The following KTN1 variants were observed in gnomAD, a reference collection of about 807,000 sequenced individuals.
KTN1 encodes kinectin.
In KTN1, 130 loss-of-function variants were observed where a neutral mutation model predicts 222.5. The ratio of observed to expected loss-of-function variants is 0.58; its 90% CI spans 0.51 to 0.68. The LOEUF is 0.68. Among genes scored for constraint, KTN1 ranks in the 30% least tolerant of loss-of-function variants. The probability of loss-of-function intolerance (pLI) is 0.00; values close to 1 mark genes in which losing one functional copy is unlikely to be tolerated. For missense variants in KTN1, 1,508 were observed against 1,500.4 expected (o/e 1.01, Z -0.08); for synonymous variants, 512 against 496.3 (o/e 1.03, Z -0.42).
In KTN1 at chr14:55,671,567, T is replaced by C; in HGVS notation, c.3350T>C (p.Val1117Ala). 6.2e-7 allele frequency: 1 copy of C among 1,606,294 alleles called. No individual in the cohort carries two copies. Among genetic ancestry groups the C allele is most frequent in the South Asian group, 1.1e-5 (1 of 89,000 alleles). ...TTTTCTTTATTTCGTTCTTTGCAGG[T>C]TCTAGAGCACAAGTTGAAAGAAGCT... is the stretch of plus-strand genomic sequence containing the variant. ...AGTSGSEEVK[V>A]LEHKLKEADE... Residue 1117 changes from valine to alanine, a missense_variant and splice_region_variant, in exon 36 of 44, where the codon GTT becomes GCT. Physicochemically the swap from Val to Ala is moderately conservative, Grantham distance 64 (BLOSUM62 0). Coordinates refer to ENST00000395314, the MANE Select transcript of KTN1 (RefSeq NM_001079521.2).
intron 31 of KTN1, among the ~76,000 whole-genome samples, chr14:55,659,949 C>G (rs1303072746): frequency 1.3e-5 from 2 of 152,146 alleles, no homozygotes; most frequent in African/African-American, 4.8e-5. Flanking sequence ...ATTCAGAAAA[C>G]ATCAAATCAA....
At chr14:55,610,765 T>A (rs2037428858) in intron 1 of KTN1, among the ~76,000 whole-genome samples, 1 of 152,234 alleles carries the variant, frequency 6.6e-6, no homozygotes. Flanking sequence ...GTAAGGAGCA[T>A]CAATATCTAG....
intron 18 of KTN1, 125 bp from the exon 19 acceptor site, chr14:55,646,848 T>G (rs1319192330): frequency 1.5e-6 from 1 of 650,256 alleles, no homozygotes; most frequent in Non-Finnish European, 2.8e-6. Context: ...TCAGATAAGT[T>G]ATTGTCCTAA....
intron 2 of KTN1, among the ~76,000 whole-genome samples, chr14:55,613,395 C>T (rs978741210): frequency 6.6e-6 from 1 of 151,234 alleles, no homozygotes; most frequent in Non-Finnish European, 1.5e-5. Flanking sequence ...ATTGGCGTGG[C>T]GATGTGTGAA....
intron 1 of KTN1, among the ~76,000 whole-genome samples, chr14:55,597,744 C>T (rs897759648): frequency 1.3e-5 from 2 of 151,936 alleles, no homozygotes; most frequent in Admixed American, 6.6e-5. Context: ...ATCTCAGCTA[C>T]TTGGGAGGCT....
rs2044434881 is a variant in KTN1, at chr14:55,664,050, G to GCTAACTC, written c.3177+13_3177+19dup. ...TGAACAAGACTTCCAAGGTTGTAATGCTAACTCCTAGAAACAATCCACTGA... is the reference window on the plus strand; with the variant it reads ...TGAACAAGACTTCCAAGGTTGTAATGCTAACTCCTAACTCCTAGAAACAATCCACTGA... On this transcript the variant is annotated intron_variant, in intron 33 of 43. Coordinates refer to ENST00000395314, the MANE Select transcript of KTN1 (RefSeq NM_001079521.2). The GCTAACTC allele has an allele frequency of 6.3e-7, 1 of 1,587,388 alleles. No individual in the cohort carries two copies. The highest frequency in any genetic ancestry group is 8.6e-7 in the Non-Finnish European group (1 of 1,157,474).
At chr14:55,637,725 C>G in intron 11 of KTN1, 54 bp from the exon 12 acceptor site, 2 of 1,258,540 alleles carry the variant, frequency 1.6e-6, no homozygotes, top group Non-Finnish European at 2.3e-6. Context: ...TGTTCATATA[C>G]ATGGGGTTAT....
intron 34 of KTN1, 189 bp downstream of exon 34, chr14:55,667,519 A>G (rs534895728): frequency 8.4e-6 from 3 of 357,786 alleles, no homozygotes; most frequent in Admixed American, 4.6e-5. Context: ...ACCTGATACT[A>G]TTGTTTCTAT....
chr14:55,661,541 G>A lies in KTN1; in HGVS notation c.3019G>A (p.Glu1007Lys). Residue 1007 changes from glutamate to lysine, a missense_variant, in exon 32 of 44, where the codon GAA (glutamate) becomes AAA (lysine). Physicochemically the swap from Glu to Lys is moderately conservative, Grantham distance 56. Transcript: ENST00000395314. ...LLKVISEREK[E>K]ISGLWNELDS... ...GTTTAGAATTTCAGAAAGAGAGAAA[G>A]AAATAAGTGGTCTCTGGAATGAGTT... 6.3e-7 allele frequency: 1 copy of A among 1,598,774 alleles called. No individual in the cohort carries two copies. The highest frequency in any genetic ancestry group is 8.6e-7 in the Non-Finnish European group (1 of 1,166,640).
intron 1 of KTN1, among the ~76,000 whole-genome samples, chr14:55,611,405 A>C (rs1366670449): frequency 3.3e-5 from 5 of 151,786 alleles, no homozygotes; most frequent in African/African-American, 4.8e-5. Flanking sequence ...TTGGTCTGTA[A>C]TTTATTTTAA....
At chr14:55,659,900 A>C (rs2043925735) in intron 31 of KTN1, among the ~76,000 whole-genome samples, 197 bp downstream of exon 31, 1 of 152,086 alleles carries the variant, frequency 6.6e-6, no homozygotes, top group Admixed American at 6.6e-5. Context: ...GGATTTGAAT[A>C]TTTTGTTGAG....
intron 1 of KTN1, among the ~76,000 whole-genome samples, chr14:55,592,398 A>G (rs1259212110): frequency 2.0e-5 from 3 of 152,198 alleles, no homozygotes; most frequent in Non-Finnish European, 4.4e-5. Context: ...TGTTTCGAGG[A>G]TTGCATCTAC....
In KTN1 at chr14:55,679,585, A is replaced by T. The variant is rs774326953; in HGVS notation, c.3969A>T (p.Thr1323=). 4 of 1,611,100 alleles carry T rather than the reference A, an allele frequency of 2.5e-6. No homozygotes were observed. The East Asian group carries it at 8.9e-5, about 36-fold the overall frequency. ...TTTAGGAGTCTTCTGAGAAGGAGAC[A>T]ATGTCTGTAAGTCTAAATCAGACTG... ...SPETESSEKE[T]MSVSLNQTVT... Residue 1323 remains threonine (T), a synonymous_variant, in exon 43 of 44, where the codon ACA becomes ACT. Transcript: ENST00000395314.
chr14:55,612,637 T>C, intron 2 of KTN1, 66 bp downstream of exon 2: 1 of 1,299,364 alleles, frequency 7.7e-7, no homozygotes, highest in Non-Finnish European at 1.1e-6. Context: ...TGAGATATTC[T>C]GTTAGGTACA....
chr14:55,633,325 A>C lies in KTN1; in HGVS notation c.1312A>C (p.Asn438His). 6.4e-7 allele frequency: 1 copy of C among 1,561,456 alleles called. No homozygotes were observed. The highest frequency in any genetic ancestry group is 1.2e-5 in the South Asian group (1 of 82,414). ...GAGAGATGCAGTCAGCAACACTACA[A>C]ATCAACTGGAAAGCAAGTATGTTTC... is the stretch of plus-strand genomic sequence containing the variant. ...ILRDAVSNTT[N>H]QLESKQSAEL... Residue 438 changes from asparagine to histidine, a missense_variant, in exon 8 of 44, where the codon AAT becomes CAT. Coordinates refer to ENST00000395314, the MANE Select transcript of KTN1 (RefSeq NM_001079521.2).
chr14:55,584,907 T>A (rs1226870277), intron 1 of KTN1, among the ~76,000 whole-genome samples: 2 of 152,200 alleles, frequency 1.3e-5, no homozygotes, highest in South Asian at 4.2e-4. Flanking sequence ...CCAAGGTGTG[T>A]GGATTGCTTG....
chr14:55,629,982 G>A lies in KTN1; in HGVS notation c.1106G>A (p.Ser369Asn), dbSNP rs749503541. 1 of 1,599,214 alleles carries A rather than the reference G, an allele frequency of 6.3e-7. No homozygotes were observed. The highest frequency in any genetic ancestry group is 8.6e-7 in the Non-Finnish European group (1 of 1,167,416). ...TQEMMTEKER[S>N]NVVITRMKDR... ...GAAATGATGACAGAGAAAGAAAGAA[G>A]CAATGTGGTTATAACAAGGATGAAA... The change falls in exon 7 of 44, where the codon AGC (serine) becomes AAC (asparagine). Residue 369 changes from serine to asparagine, a missense_variant. Physicochemically the swap from Ser to Asn is conservative, Grantham distance 46. Transcript: ENST00000395314.
At chr14:55,608,737 C>G (rs183092225) in intron 1 of KTN1, among the ~76,000 whole-genome samples, 241 of 151,176 alleles carry the variant, frequency 1.6e-3, no homozygotes, top group Non-Finnish European at 2.7e-3. Flanking sequence ...TCAAGTGATT[C>G]TTTTGCATCA....
At chr14:55,679,428 T>G (rs2046174389) in intron 42 of KTN1, 137 bp from the exon 43 acceptor site, 1 of 712,184 alleles carries the variant, frequency 1.4e-6, no homozygotes, top group Non-Finnish European at 2.3e-6. Context: ...TGGTTTTTGT[T>G]ATTGTTGATT....
Sources: allele counts gnomAD v4.1 joint callset (sites outside exome capture counted in the v4.1 genomes callset), GRCh38; gene constraint gnomAD v4.1.1; transcripts MANE v1.5; gene names NCBI Gene and HGNC (gene_info 2026-07-23, HGNC 2026-07-21).